CNTN6: variants seen among roughly 807,000 people sequenced by gnomAD.
The protein encoded by CNTN6 is contactin 6, also known as contactin-6.
A neutral mutation model predicts 122.8 loss-of-function variants in CNTN6; 137 were observed. That is an observed-to-expected ratio of 1.12 (90% CI 0.97 to 1.29). The LOEUF (loss-of-function observed/expected upper bound fraction) is 1.29. CNTN6 is among the 50% of genes most tolerant of loss of function. CNTN6 has a pLI of 0.00. For synonymous variants in CNTN6, 570 were observed against 426.0 expected (o/e 1.34, Z -4.16); for missense variants, 1,634 against 1,223.4 (o/e 1.34, Z -5.01).
At chr3:1,328,784 C>A (rs995232239) in intron 10 of CNTN6, among the ~76,000 whole-genome samples, 2 of 151,566 alleles carry the variant, frequency 1.3e-5, no homozygotes, top group Non-Finnish European at 2.9e-5. Context: ...CTTCAGTTCA[C>A]TTGAGCTTTA....
At chr3:1,296,407 G>A (rs140340539) in intron 6 of CNTN6, among the ~76,000 whole-genome samples, 24 of 152,244 alleles carry the variant, frequency 1.6e-4, no homozygotes, top group Non-Finnish European at 2.6e-4. Flanking sequence ...GCTTAGTCAA[G>A]TCATGGCTGG....
rs532311470 is a variant in CNTN6 at position 1,112,836 on chromosome 3, T to A, written c.-83+19716T>A. Among the ~76,000 whole-genome samples the A allele has an allele frequency of 7.2e-5, 11 of 152,196 alleles. No homozygotes were observed. The East Asian group carries it at 1.5e-3, about 21-fold the overall frequency. The stretch of plus-strand genomic sequence containing the variant: ...GGGCCAGACTCCCAGGCAGGTCACA[T>A]AAATATTCAAAAGGCCATAGCATTA... On this transcript the variant is annotated intron_variant, in intron 1 of 22. Transcript: ENST00000446702.
At chr3:1,220,285 A>G (rs2094190178) in intron 2 of CNTN6, among the ~76,000 whole-genome samples, 1 of 152,158 alleles carries the variant, frequency 6.6e-6, no homozygotes, top group Non-Finnish European at 1.5e-5. Flanking sequence ...TCTGTGAGCT[A>G]TGATCACACT....
chr3:1,162,777 T>C (rs1444406291), intron 2 of CNTN6, among the ~76,000 whole-genome samples: 2 of 152,368 alleles, frequency 1.3e-5, no homozygotes, highest in East Asian at 3.9e-4. Context: ...ACAGATGGGC[T>C]TGAAGAACTG....
intron 2 of CNTN6, among the ~76,000 whole-genome samples, chr3:1,207,190 A>G (rs1331945462): frequency 6.6e-6 from 1 of 152,040 alleles, no homozygotes; most frequent in Non-Finnish European, 1.5e-5. Flanking sequence ...AGCACAAGCC[A>G]GCTGTTCTAC....
chr3:1,268,537 G>A (rs2094964458), intron 4 of CNTN6, among the ~76,000 whole-genome samples: 1 of 147,348 alleles, frequency 6.8e-6, no homozygotes, highest in African/African-American at 2.5e-5. Context: ...AACCCGGGAG[G>A]AGGAGCTTGC....
At chr3:1,297,754 A>T in intron 6 of CNTN6, 135 bp from the exon 7 acceptor site, 1 of 694,162 alleles carries the variant, frequency 1.4e-6, no homozygotes, top group Non-Finnish European at 2.5e-6. Flanking sequence ...TTTAGAATCT[A>T]TATGTATCCA....
chr3:1,181,512 T>C (rs1468667896), intron 2 of CNTN6, among the ~76,000 whole-genome samples: 2 of 152,152 alleles, frequency 1.3e-5, no homozygotes, highest in Non-Finnish European at 2.9e-5. Flanking sequence ...TGTCTTTGTT[T>C]GTGTATTTTT....
chr3:1,393,578 ACT>A (rs1369519521), intron 20 of CNTN6, among the ~76,000 whole-genome samples: 4 of 136,440 alleles, frequency 2.9e-5, no homozygotes, highest in Admixed American at 2.2e-4. Context: ...AAAAAAAGAA[ACT>A]CTTGTGTGTA....
At chr3:1,161,464 TTTA>T (rs202071976) in intron 2 of CNTN6, among the ~76,000 whole-genome samples, 5 of 151,272 alleles carry the variant, frequency 3.3e-5, no homozygotes, top group East Asian at 3.9e-4. Context: ...TATTATATAT[TTTA>T]TTATTTTTAA....
intron 5 of CNTN6, among the ~76,000 whole-genome samples, chr3:1,286,932 T>C (rs1008906852): frequency 6.6e-6 from 1 of 152,118 alleles, no homozygotes; most frequent in Admixed American, 6.5e-5. Flanking sequence ...TAGTCACTGA[T>C]AAAACAGACT....
intron 12 of CNTN6, among the ~76,000 whole-genome samples, chr3:1,363,164 A>G (rs930854862): frequency 1.1e-4 from 16 of 151,942 alleles, no homozygotes; most frequent in African/African-American, 3.9e-4. Context: ...TATGTGCAAT[A>G]AAGTGGTTAC....
rs201522701 is a variant in CNTN6, at chr3:1,372,975, A to G, written c.1786+20A>G. ...TTAGAGGTAAGCATAAATGGTGAAAAAGTGATCACATTGTTTCTTCACAGT... is the reference window on the plus strand; with the variant it reads ...TTAGAGGTAAGCATAAATGGTGAAAGAGTGATCACATTGTTTCTTCACAGT... On this transcript the variant is annotated intron_variant, in intron 14 of 22. Transcript: ENST00000446702. The G allele has an allele frequency of 8.3e-5, 112 of 1,345,388 alleles. 2 individuals carry two copies. In the African/African-American group the frequency reaches 1.2e-3, roughly 15 times the overall value. The allele number at this position is 1,345,388 out of a possible 1,614,324, so 83.3% of individuals were successfully genotyped here. A position where few individuals can be genotyped will look rare whatever the true frequency, so the allele number is the denominator to read the frequency against.
chr3:1,115,076 A>G (rs142420122), intron 1 of CNTN6, among the ~76,000 whole-genome samples: 213 of 152,270 alleles, frequency 1.4e-3, no homozygotes, highest in African/African-American at 5.0e-3. Context: ...TTCAGTTTTA[A>G]GACCAAAAAA....
intron 2 of CNTN6, among the ~76,000 whole-genome samples, chr3:1,197,514 AAGG>A (rs1307228248): frequency 1.3e-5 from 2 of 152,186 alleles, no homozygotes; most frequent in East Asian, 3.8e-4. Flanking sequence ...AGTGAAACCT[AAGG>A]AGCTCATAAA....
chr3:1,183,803 G>A (rs2093592513), intron 2 of CNTN6, among the ~76,000 whole-genome samples: 1 of 152,120 alleles, frequency 6.6e-6, no homozygotes, highest in Admixed American at 6.6e-5. Flanking sequence ...TCTGGGCACA[G>A]CTCATCTGAG....
intron 4 of CNTN6, among the ~76,000 whole-genome samples, chr3:1,228,344 G>A (rs1451161124): frequency 2.0e-5 from 3 of 152,060 alleles, no homozygotes; most frequent in African/African-American, 4.8e-5. Flanking sequence ...GAGAGCACAG[G>A]AAGAAAAAGC....
At chr3:1,099,431 A>G (rs1461109246) in intron 1 of CNTN6, among the ~76,000 whole-genome samples, 2 of 152,210 alleles carry the variant, frequency 1.3e-5, no homozygotes, top group Non-Finnish European at 2.9e-5. Context: ...AGCCTGGGTG[A>G]CAGAGCCAGA....
In CNTN6 at chr3:1,093,046, C is replaced by T. The variant is rs189090263; in HGVS notation, c.-157C>T. On this transcript the variant is annotated 5_prime_UTR_variant, in exon 1 of 23. The change creates a new upstream start codon in the 5' untranslated region. Coordinates refer to ENST00000446702, the MANE Select transcript of CNTN6 (RefSeq NM_001289080.2). ...TCCATACGGCTTGGTTCTGCCTGGACGCACAGCATGCCTGGCTGAGAGCTT... is the reference window on the plus strand; with the variant it reads ...TCCATACGGCTTGGTTCTGCCTGGATGCACAGCATGCCTGGCTGAGAGCTT... 95 of 328,260 alleles carry T rather than the reference C, an allele frequency of 2.9e-4. No homozygotes were observed. The highest frequency in any genetic ancestry group is 2.0e-3 in the Middle Eastern group (3 of 1,484). 20.3% of individuals were successfully genotyped at this position (328,260 alleles called of 1,614,324 possible). A position where few individuals can be genotyped will look rare whatever the true frequency, so the allele number is the denominator to read the frequency against.
Sources: allele counts gnomAD v4.1 joint callset (sites outside exome capture counted in the v4.1 genomes callset), GRCh38; gene constraint gnomAD v4.1.1; transcripts MANE v1.5; gene names NCBI Gene and HGNC (gene_info 2026-07-23, HGNC 2026-07-21).